ENOX2: variants seen among roughly 807,000 people sequenced by gnomAD.
The protein encoded by ENOX2 is ecto-NOX disulfide-thiol exchanger 2, also known as APK1 antigen.
Under a neutral mutation model 45.0 loss-of-function variants are expected in ENOX2, and 36 were observed. The observed-to-expected ratio is 0.80, with a 90% confidence interval of 0.61 to 1.06. ENOX2 has a LOEUF of 1.06. Ranked by LOEUF, ENOX2 falls within the 50% of genes least tolerant of loss-of-function variation. ENOX2 has a pLI of 0.00. For synonymous variants in ENOX2, 174 were observed against 152.3 expected (o/e 1.14, Z -1.05); for missense variants, 423 against 462.5 (o/e 0.91, Z 0.78).
At chrX:130,675,004 A>C (rs1451237442) in intron 6 of ENOX2, among the ~76,000 whole-genome samples, 2 of 98,800 alleles carry the variant, frequency 2.0e-5, no homozygotes, top group African/African-American at 7.5e-5. Context: ...ACATTTTCTT[A>C]ATCCAGTCTA....
At chrX:130,654,004 C>T (rs2036476489) in intron 10 of ENOX2, among the ~76,000 whole-genome samples, 1 of 112,050 alleles carries the variant, frequency 8.9e-6, no homozygotes, top group Admixed American at 9.5e-5. Context: ...GCTTAGACAT[C>T]TGAATTTGTA....
intron 3 of ENOX2, among the ~76,000 whole-genome samples, chrX:130,771,101 A>G (rs2148372499): frequency 8.9e-6 from 1 of 111,888 alleles, no homozygotes; most frequent in Admixed American, 9.5e-5. Context: ...AAGGGTAGAG[A>G]TTATCTTTGT....
chrX:130,811,935 G>T (rs918602011), intron 2 of ENOX2, among the ~76,000 whole-genome samples: 2 of 111,828 alleles, frequency 1.8e-5, no homozygotes, highest in Non-Finnish European at 3.8e-5. Context: ...AATGAAAAAT[G>T]CAATACAGAG....
Position 130,665,656 on chromosome X carries a change from C to T in ENOX2, c.1001G>A (p.Cys334Tyr). Reference sequence around the variant, plus strand: ...AAAGTTACCAACCTCAGCTTGTTTGCACCACACGCTGATGTTCTTCCGCTG... The same window carrying T: ...AAAGTTACCAACCTCAGCTTGTTTGTACCACACGCTGATGTTCTTCCGCTG... Reference protein sequence around the residue: ...KAQRKNISVWCKQAEEIRNIH... With the variant: ...KAQRKNISVWYKQAEEIRNIH... Residue 334 changes from cysteine (C) to tyrosine (Y), a missense_variant, in exon 9 of 15, where the codon TGC (cysteine) becomes TAC (tyrosine). Cys to Tyr is a radical substitution (Grantham distance 194). Transcript: ENST00000394363. 1.7e-6 allele frequency: 2 copies of T among 1,198,627 alleles called. No homozygotes were observed. The highest frequency in any genetic ancestry group is 3.5e-5 in the African/African-American group (2 of 57,438).
At chrX:130,733,660 G>A (rs986292286) in intron 3 of ENOX2, among the ~76,000 whole-genome samples, 4 of 112,391 alleles carry the variant, frequency 3.6e-5, no homozygotes, top group African/African-American at 1.3e-4. Flanking sequence ...AATTTCAAGG[G>A]AATTATGCTG....
At position 130,898,777 on chromosome X, in the gene ENOX2, C is replaced by T. The variant is rs572727233; in HGVS notation, c.-183+2907G>A. ...TTGTTTTTGCTATTAGTATAAACAA[C>T]TCTGGGATAGATGTCCTGAGTATTA... is the stretch of plus-strand genomic sequence containing the variant. On this transcript the variant is annotated intron_variant, in intron 2 of 14. Transcript: ENST00000394363. 3.9e-5 allele frequency among the ~76,000 whole-genome samples: 4 copies of T among 103,322 alleles called. No homozygotes were observed. In the Middle Eastern group the frequency reaches 0.021, roughly 547 times the overall value. 89.7% of individuals were successfully genotyped at this position (103,322 alleles called of 115,157 possible).
At chrX:130,896,150 A>C (rs750576779) in intron 2 of ENOX2, among the ~76,000 whole-genome samples, 102 of 112,106 alleles carry the variant, frequency 9.1e-4, no homozygotes, top group African/African-American at 3.2e-3. Flanking sequence ...AATTTGTCTG[A>C]GGTGTCTGCC....
At chrX:130,879,788 G>C (rs779185862) in intron 2 of ENOX2, among the ~76,000 whole-genome samples, 2 of 111,985 alleles carry the variant, frequency 1.8e-5, no homozygotes, top group Non-Finnish European at 3.8e-5. Flanking sequence ...ATCCTGATCA[G>C]AGTGAACTTT....
At chrX:130,901,184 T>C (rs895938121) in intron 2 of ENOX2, among the ~76,000 whole-genome samples, 2 of 112,240 alleles carry the variant, frequency 1.8e-5, no homozygotes, top group Non-Finnish European at 3.8e-5. Flanking sequence ...TTGGCCAGGA[T>C]GATGAACTAT....
intron 2 of ENOX2, among the ~76,000 whole-genome samples, chrX:130,878,095 TTCCAGTAATAAA>T (rs1337623254): frequency 5.3e-5 from 6 of 112,256 alleles, no homozygotes; most frequent in African/African-American, 1.9e-4. Context: ...CTTCTGTTAC[TTCCAGTAATAAA>T]TCCATGTGGA....
At chrX:130,741,756 C>T (rs1427228371) in intron 3 of ENOX2, among the ~76,000 whole-genome samples, 1 of 111,269 alleles carries the variant, frequency 9.0e-6, no homozygotes, top group Non-Finnish European at 1.9e-5. Context: ...ACCAAAGAGC[C>T]TCCCCTTAGT....
At chrX:130,815,694 T>C (rs1473392704) in intron 2 of ENOX2, among the ~76,000 whole-genome samples, 1 of 111,573 alleles carries the variant, frequency 9.0e-6, no homozygotes, top group Non-Finnish European at 1.9e-5. Context: ...GACAAGCAAA[T>C]ACTGAGAGGT....
At chrX:130,887,080 T>C (rs753842404) in intron 2 of ENOX2, among the ~76,000 whole-genome samples, 14 of 111,932 alleles carry the variant, frequency 1.3e-4, no homozygotes, top group Non-Finnish European at 2.6e-4. Flanking sequence ...GGCAGGCATG[T>C]TTTATGCAGC....
At position 130,840,522 on chromosome X, in the gene ENOX2, AAAATAAAT is replaced by A. The variant is rs61403363; in HGVS notation, c.-182-56840_-182-56833del. Among the ~76,000 whole-genome samples, 938 of 103,209 alleles carry A rather than the reference AAAATAAAT, an allele frequency of 9.1e-3. 5 individuals are homozygous for A. Among genetic ancestry groups the A allele is most frequent in the African/African-American group, 0.025 (687 of 27,264 alleles). 89.6% of individuals were successfully genotyped at this position (103,209 alleles called of 115,157 possible). ...TAATACAAGATTTTCTCTCTTTTAAAAAATAAATAAATAAATAAATAAATAAATAAATA... is the reference window on the plus strand; with the variant it reads ...TAATACAAGATTTTCTCTCTTTTAAAAAATAAATAAATAAATAAATAAATA... On this transcript the variant is annotated intron_variant, in intron 2 of 14. Coordinates refer to ENST00000394363, the MANE Select transcript of ENOX2 (RefSeq NM_006375.4).
chrX:130,718,553 T>A, intron 3 of ENOX2, among the ~76,000 whole-genome samples: 1 of 112,129 alleles, frequency 8.9e-6, no homozygotes, highest in Non-Finnish European at 1.9e-5. Flanking sequence ...TTGAAAGCTA[T>A]AAAATACTAT....
At chrX:130,836,078 C>T (rs779936240) in intron 2 of ENOX2, among the ~76,000 whole-genome samples, 2 of 112,198 alleles carry the variant, frequency 1.8e-5, no homozygotes, top group South Asian at 3.7e-4. Flanking sequence ...ACCTCCAGGT[C>T]GAGGCTAAGT....
intron 3 of ENOX2, among the ~76,000 whole-genome samples, chrX:130,751,449 T>C (rs1312382651): frequency 8.9e-6 from 1 of 112,341 alleles, no homozygotes; most frequent in Non-Finnish European, 1.9e-5. Context: ...CATTCATCCA[T>C]TGATGGACAT....
chrX:130,655,929 C>T (rs1238473099), intron 10 of ENOX2, among the ~76,000 whole-genome samples: 3 of 112,070 alleles, frequency 2.7e-5, no homozygotes, highest in Non-Finnish European at 5.6e-5. Context: ...TGAGCCACAG[C>T]GCCTGGCTGT....
chrX:130,838,623 G>GT (rs1200308703), intron 2 of ENOX2, among the ~76,000 whole-genome samples: 2 of 111,129 alleles, frequency 1.8e-5, no homozygotes, highest in African/African-American at 6.5e-5. Context: ...GGCCATCTTT[G>GT]TTTCATTCTA....
Sources: gnomAD v4.1 joint callset for allele counts (sites outside exome capture counted in the v4.1 genomes callset) on GRCh38, gnomAD v4.1.1 for gene constraint, MANE v1.5 for transcripts, NCBI Gene and HGNC (gene_info 2026-07-23, HGNC 2026-07-21) for gene names.